TBC1D14: variants seen among roughly 807,000 people sequenced by gnomAD.
TBC1D14 encodes the protein TBC1 domain family member 14.
TBC1D14 carries 26 observed loss-of-function variants against 79.0 expected under a neutral mutation model. The ratio of observed to expected loss-of-function variants is 0.33; its 90% CI spans 0.24 to 0.46. The LOEUF is 0.46. Among genes scored for constraint, TBC1D14 ranks in the 20% least tolerant of loss-of-function variants. The pLI, the probability that TBC1D14 is intolerant of heterozygous loss-of-function variation, is 1.00. For missense variants in TBC1D14, 769 were observed against 887.6 expected (o/e 0.87, Z 1.70); for synonymous variants, 394 against 349.9 (o/e 1.13, Z -1.40).
At position 7,001,220 on chromosome 4, in the gene TBC1D14, A is replaced by C. The variant is rs1457788192; in HGVS notation, c.1239A>C (p.Leu413Phe). 1 of 1,614,174 alleles carries C rather than the reference A, an allele frequency of 6.2e-7. No homozygotes were observed. The highest frequency in any genetic ancestry group is 1.7e-5 in the Admixed American group (1 of 60,030). Reference sequence around the variant, plus strand: ...GTGTGAGAGGCAAAGTCTGGAGCTTAGCCATTGGCAACGAGTTAAATATCA... The same window carrying C: ...GTGTGAGAGGCAAAGTCTGGAGCTTCGCCATTGGCAACGAGTTAAATATCA... ...PPSVRGKVWS[L>F]AIGNELNITH... Residue 413 changes from leucine (L) to phenylalanine (F), a missense_variant, in exon 7 of 14, where the codon TTA becomes TTC. By Grantham distance (22) the Leu-to-Phe change is conservative. This residue lies in a region of TBC1D14 where 367 missense variants were observed against 494.4 expected (regional missense o/e 0.74). Coordinates refer to ENST00000409757, the MANE Select transcript of TBC1D14 (RefSeq NM_020773.3).
chr4:7,004,020 A>G (rs1372234034), intron 7 of TBC1D14, among the ~76,000 whole-genome samples: 3 of 152,102 alleles, frequency 2.0e-5, no homozygotes, highest in Non-Finnish European at 2.9e-5. Flanking sequence ...AAAAAAAAAG[A>G]AAAAGCCAGA....
chr4:6,948,743 A>G (rs577680879), intron 2 of TBC1D14, among the ~76,000 whole-genome samples: 1 of 142,964 alleles, frequency 7.0e-6, no homozygotes, highest in East Asian at 2.0e-4. Context: ...TCTGTCACCC[A>G]GGCTGGAGTG....
chr4:6,930,743 A>T (rs899317603), intron 2 of TBC1D14, among the ~76,000 whole-genome samples: 3 of 151,536 alleles, frequency 2.0e-5, no homozygotes, highest in African/African-American at 7.3e-5. Flanking sequence ...GGTTGCAGTG[A>T]ACTGAGATAG....
At chr4:6,991,897 C>G (rs571732590) in intron 3 of TBC1D14, among the ~76,000 whole-genome samples, 95 of 152,336 alleles carry the variant, frequency 6.2e-4, no homozygotes, top group African/African-American at 2.2e-3. Context: ...TGTTTCTGGT[C>G]ATGACTCAAG....
chr4:6,923,847 A>G lies in TBC1D14; in HGVS notation c.458A>G (p.Asp153Gly). Reference sequence around the variant, plus strand: ...TCCAAAGCCCTGACCCGCAGCGATGATGTCTCCGTCTGCAGCGTGTCCAGT... The same window carrying G: ...TCCAAAGCCCTGACCCGCAGCGATGGTGTCTCCGTCTGCAGCGTGTCCAGT... ...PTSKALTRSD[D>G]VSVCSVSSLG... The change falls in exon 2 of 14, where the codon GAT becomes GGT. Residue 153 changes from aspartate to glycine, a missense_variant. Around this residue, in one of 2 missense-constraint regions of TBC1D14, gnomAD observed 402 missense variants for 393.2 expected, o/e 1.02. Coordinates refer to ENST00000409757, the MANE Select transcript of TBC1D14 (RefSeq NM_020773.3). 1 of 1,614,178 alleles carries G rather than the reference A, an allele frequency of 6.2e-7. No homozygotes were observed. The highest frequency in any genetic ancestry group is 8.5e-7 in the Non-Finnish European group (1 of 1,180,050).
chr4:6,972,607 T>C (rs1267217957), intron 3 of TBC1D14, among the ~76,000 whole-genome samples: 3 of 152,190 alleles, frequency 2.0e-5, no homozygotes, highest in African/African-American at 7.2e-5. Flanking sequence ...AGTTTTTTGT[T>C]GTTCTGCTTT....
intron 2 of TBC1D14, among the ~76,000 whole-genome samples, chr4:6,950,354 G>A (rs145715911): frequency 5.9e-5 from 9 of 152,244 alleles, no homozygotes; most frequent in Admixed American, 2.6e-4. Flanking sequence ...GTAGAAAATC[G>A]TCCTGTCTGT....
intron 7 of TBC1D14, 34 bp from the exon 8 acceptor site, chr4:7,004,810 G>T: frequency 6.2e-7 from 1 of 1,606,570 alleles, no homozygotes; most frequent in Non-Finnish European, 8.5e-7. Context: ...AAATACATGT[G>T]CACGTAATAC....
At chr4:6,926,732 A>G (rs1027104985) in intron 2 of TBC1D14, among the ~76,000 whole-genome samples, 4 of 152,214 alleles carry the variant, frequency 2.6e-5, no homozygotes, top group East Asian at 1.9e-4. Flanking sequence ...CTCACTAAAC[A>G]TTTTACAGGT....
In TBC1D14 at chr4:7,004,112, G is replaced by A. The variant is rs533216441; in HGVS notation, c.1271-732G>A. Among the ~76,000 whole-genome samples the A allele has an allele frequency of 9.3e-4, 142 of 152,338 alleles. 1 individual carries two copies. Among genetic ancestry groups the A allele is most frequent in the African/African-American group, 3.3e-3 (138 of 41,576 alleles). ...CTCTGTGGATTCAGCCTTCACACTT[G>A]TCCTTGAAAGAAGAATGGGGCACGG... is the stretch of plus-strand genomic sequence containing the variant. On this transcript the variant is annotated intron_variant, in intron 7 of 13. Coordinates refer to ENST00000409757, the MANE Select transcript of TBC1D14 (RefSeq NM_020773.3).
chr4:6,992,863 T>C (rs1299181252), intron 3 of TBC1D14, among the ~76,000 whole-genome samples: 1 of 152,166 alleles, frequency 6.6e-6, no homozygotes, highest in Non-Finnish European at 1.5e-5. Context: ...TGGAAGTAAT[T>C]TTAGAATTGT....
At chr4:7,007,467 G>T (rs1270495753) in intron 9 of TBC1D14, 5 of 1,154,870 alleles carry the variant, frequency 4.3e-6, no homozygotes, top group African/African-American at 1.6e-5. Context: ...GGGGGCAGTT[G>T]TTCTTGCAGA....
intron 1 of TBC1D14, among the ~76,000 whole-genome samples, chr4:6,915,502 C>G (rs969828313): frequency 6.6e-6 from 1 of 152,072 alleles, no homozygotes; most frequent in Non-Finnish European, 1.5e-5. Context: ...TACTGAGGGG[C>G]CTTGGAGTCA....
chr4:6,944,771 G>A (rs1198537323), intron 2 of TBC1D14, among the ~76,000 whole-genome samples: 1 of 152,190 alleles, frequency 6.6e-6, no homozygotes, highest in Non-Finnish European at 1.5e-5. Flanking sequence ...CTGGTTCCAC[G>A]GGACTGGCTG....
At chr4:6,920,481 A>G (rs1169463566) in intron 1 of TBC1D14, among the ~76,000 whole-genome samples, 1 of 151,986 alleles carries the variant, frequency 6.6e-6, no homozygotes, top group African/African-American at 2.4e-5. Flanking sequence ...TGCTGTGTTG[A>G]CACTGAGGCA....
chr4:6,919,498 G>A (rs1021518222), intron 1 of TBC1D14, among the ~76,000 whole-genome samples: 1 of 152,028 alleles, frequency 6.6e-6, no homozygotes, highest in Non-Finnish European at 1.5e-5. Flanking sequence ...TTGCCTTAGT[G>A]TAGTACAGTG....
At chr4:7,007,488 A>G in intron 9 of TBC1D14, 1 of 1,259,518 alleles carries the variant, frequency 7.9e-7, no homozygotes, top group Non-Finnish European at 1.0e-6. Flanking sequence ...ATACCTTTGC[A>G]CCTGTCCCTT....
rs140442340 is a variant in TBC1D14, at chr4:6,934,328, C to T, written c.722+10217C>T. Among the ~76,000 whole-genome samples, 56 of 151,984 alleles carry T rather than the reference C, an allele frequency of 3.7e-4. No homozygotes were observed. The East Asian group carries it at 8.9e-3, about 24-fold the overall frequency. On this transcript the variant is annotated intron_variant, in intron 2 of 13. Transcript: ENST00000409757. ...AGTGTGGGGTCTGGAAGCTGGGTGCCGGCCCGGTGAGCATGGGTGTCAACA... is the reference window on the plus strand; with the variant it reads ...AGTGTGGGGTCTGGAAGCTGGGTGCTGGCCCGGTGAGCATGGGTGTCAACA...
chr4:6,933,175 C>G (rs976904535), intron 2 of TBC1D14, among the ~76,000 whole-genome samples: 4 of 149,104 alleles, frequency 2.7e-5, no homozygotes, highest in Admixed American at 6.8e-5. Flanking sequence ...AAATCTCTTC[C>G]CAGAGAGAAC....
Sources: allele counts gnomAD v4.1 joint callset (sites outside exome capture counted in the v4.1 genomes callset), GRCh38; gene constraint gnomAD v4.1.1; regional missense constraint gnomAD v4.1.1; transcripts MANE v1.5; gene names NCBI Gene and HGNC (gene_info 2026-07-23, HGNC 2026-07-21).